Variants in PLXNA1 observed in about 807,000 individuals in gnomAD.
The protein encoded by PLXNA1 is plexin A1, also known as plexin-A1.
Under a neutral mutation model 191.7 loss-of-function variants are expected in PLXNA1, and 77 were observed. The ratio of observed to expected loss-of-function variants is 0.40; its 90% confidence interval spans 0.33 to 0.49. PLXNA1 has a LOEUF of 0.49. PLXNA1 is among the 20% of genes least tolerant of loss of function. The pLI is 0.63. For synonymous variants in PLXNA1, 1,137 were observed against 1,156.4 expected, an observed-to-expected ratio of 0.98 and a Z score of 0.34; for missense variants, 2,110 against 2,660.2, an observed-to-expected ratio of 0.79 and a Z score of 4.55.
chr3:126,994,697 C>A (rs1025082571), intron 3 of PLXNA1, among the ~76,000 whole-genome samples: 1 of 152,110 alleles, frequency 6.6e-6, no homozygotes, highest in Non-Finnish European at 1.5e-5. Context: ...CACTTCTCCT[C>A]GTCTCTCCTT....
At chr3:126,990,750 G>A (rs979721241) in intron 2 of PLXNA1, among the ~76,000 whole-genome samples, 10 of 152,242 alleles carry the variant, frequency 6.6e-5, no homozygotes, top group Non-Finnish European at 1.5e-5. Flanking sequence ...CAGGGCCCAT[G>A]TGTGCTTGGC....
Position 127,014,042 on chromosome 3 carries a change from T to A in PLXNA1, c.2336T>A (p.Val779Asp). 1 of 1,613,836 alleles carries A rather than the reference T, an allele frequency of 6.2e-7. No homozygotes were observed. The highest frequency in any genetic ancestry group is 1.1e-5 in the South Asian group (1 of 91,088). The change falls in exon 11 of 32, where the codon GTC becomes GAC. Residue 779 changes from valine to aspartate, a missense_variant. Val to Asp is a radical substitution (Grantham distance 152). Coordinates refer to ENST00000393409, the MANE Select transcript of PLXNA1 (RefSeq NM_032242.4). ...CAGTACTCCTACGAGGGGAACGATGTCAGCGACCTGCCAGTGAACCTGTCA... is the reference window on the plus strand; with the variant it reads ...CAGTACTCCTACGAGGGGAACGATGACAGCGACCTGCCAGTGAACCTGTCA... The part of the protein sequence containing the change: ...NSSYSYEGND[V>D]SDLPVNLSVV...
chr3:127,016,619 G>A lies in PLXNA1; in HGVS notation c.3117G>A (p.Glu1039=). 1 of 1,614,022 alleles carries A rather than the reference G, an allele frequency of 6.2e-7. No individual in the cohort carries two copies. The highest frequency in any genetic ancestry group is 1.1e-5 in the South Asian group (1 of 91,078). The change falls in exon 16 of 32, where the codon GAG becomes GAA. Residue 1039 remains glutamate, a synonymous_variant. Coordinates refer to ENST00000393409, the MANE Select transcript of PLXNA1 (RefSeq NM_032242.4). ...NINRAQLTNP[E]VKYNYTEDPT... is the part of the protein sequence containing the mutation. Reference sequence around the variant, plus strand: ...ACCGCGCCCAGCTCACCAACCCTGAGGTGAAGTACAACTACACCGAGGACC... The same window carrying A: ...ACCGCGCCCAGCTCACCAACCCTGAAGTGAAGTACAACTACACCGAGGACC...
chr3:127,030,558 C>T (rs1410354871), intron 29 of PLXNA1, 146 bp downstream of exon 29: 19 of 960,476 alleles, frequency 2.0e-5, no homozygotes, highest in Admixed American at 2.5e-5. Flanking sequence ...CGGGCCAGTC[C>T]TGTGCTAACT....
intron 15 of PLXNA1, 37 bp downstream of exon 15, chr3:127,015,357 C>T (rs777645788): frequency 1.9e-6 from 3 of 1,581,470 alleles, no homozygotes; most frequent in Admixed American, 1.7e-5. Flanking sequence ...CCTGGCTGCC[C>T]CTCCTCCTGT....
intron 3 of PLXNA1, among the ~76,000 whole-genome samples, chr3:126,993,390 C>T (rs930660087): frequency 6.6e-6 from 1 of 152,244 alleles, no homozygotes; most frequent in Non-Finnish European, 1.5e-5. Context: ...TGGGTGGAGC[C>T]TGTCCTCTGC....
chr3:127,003,300 A>C (rs763231744), intron 3 of PLXNA1, 30 bp from the exon 4 acceptor site: 94 of 1,563,572 alleles, frequency 6.0e-5, no homozygotes, highest in Non-Finnish European at 7.3e-5. Context: ...GTATCAGCAC[A>C]GCTCCAGTTA....
intron 9 of PLXNA1, 67 bp from the exon 10 acceptor site, chr3:127,011,891 C>T (rs1023494722): frequency 1.1e-5 from 16 of 1,414,034 alleles, no homozygotes; most frequent in African/African-American, 2.8e-5. Context: ...ACATCTGGAG[C>T]GTAGTGGGGT....
At chr3:127,004,477 C>T in intron 4 of PLXNA1, 134 bp from the exon 5 acceptor site, 1 of 693,098 alleles carries the variant, frequency 1.4e-6, no homozygotes, top group Non-Finnish European at 2.5e-6. Context: ...GTCACCAGAT[C>T]TGCCTTTGAA....
At chr3:126,983,385 G>C (rs2078940621) in intron 1 of PLXNA1, among the ~76,000 whole-genome samples, 98 bp downstream of exon 1, 1 of 145,810 alleles carries the variant, frequency 6.9e-6, no homozygotes, top group Admixed American at 6.8e-5. Context: ...TGGGCGCGGG[G>C]CGGCCTCCGG....
chr3:127,004,564 G>A, intron 4 of PLXNA1, 47 bp from the exon 5 acceptor site: 1 of 1,371,246 alleles, frequency 7.3e-7, no homozygotes, highest in South Asian at 1.2e-5. Context: ...GATGGTCAAG[G>A]ACCCCTGGGG....
At chr3:127,028,814 G>A (rs781004707) in intron 25 of PLXNA1, 179 bp from the exon 26 acceptor site, 1 of 599,418 alleles carries the variant, frequency 1.7e-6, no homozygotes, top group Admixed American at 3.0e-5. Flanking sequence ...GATTGGGAGG[G>A]CTGTGGCACA....
chr3:127,029,336 GGCACA>G (rs1419501511), intron 26 of PLXNA1, 99 bp from the exon 27 acceptor site: 2 of 1,101,936 alleles, frequency 1.8e-6, no homozygotes, highest in African/African-American at 3.1e-5. Flanking sequence ...GCTGCCTCCA[GGCACA>G]GCACTAGGGT....
At position 126,988,562 on chromosome 3, in the gene PLXNA1, C is replaced by A; in HGVS notation, c.-32C>A. On this transcript the variant is annotated 5_prime_UTR_variant, in exon 2 of 32. Coordinates refer to ENST00000393409, the MANE Select transcript of PLXNA1 (RefSeq NM_032242.4). ...ACCATGATGCTCACCCCAGCAGGAC[C>A]AGAGCACCGAGGCCCAAGGCCCCAG... 6.9e-7 allele frequency: 1 copy of A among 1,452,172 alleles called. No homozygotes were observed. Among genetic ancestry groups the A allele is most frequent in the Non-Finnish European group, 9.1e-7 (1 of 1,104,088 alleles). 90.0% of individuals were successfully genotyped at this position (1,452,172 alleles called of 1,614,324 possible). A position where few individuals can be genotyped will look rare whatever the true frequency, so the allele number is the denominator to read the frequency against.
intron 15 of PLXNA1, among the ~76,000 whole-genome samples, chr3:127,016,069 G>T (rs907485256): frequency 1.3e-5 from 2 of 152,130 alleles, no homozygotes; most frequent in African/African-American, 2.4e-5. Context: ...AGGGAAGGTC[G>T]CGCCAGGGCT....
Position 127,036,451 on chromosome 3 carries a change from C to G in PLXNA1, c.*2434C>G, listed in dbSNP as rs1015570343. The G allele has an allele frequency of 6.6e-6, 1 of 152,450 alleles. No individual in the cohort carries two copies. Among genetic ancestry groups the G allele is most frequent in the Admixed American group, 6.5e-5 (1 of 15,282 alleles). 9.4% of individuals were successfully genotyped at this position (152,450 alleles called of 1,614,324 possible). ...GGCGTGGCCACCACAGAGCACATGG[C>G]TGTGTCTAGGCGCAAGCACTTTAGC... On this transcript the variant is annotated 3_prime_UTR_variant, in exon 32 of 32. Transcript: ENST00000393409.
chr3:126,999,141 G>T (rs1232055718), intron 3 of PLXNA1, among the ~76,000 whole-genome samples: 1 of 152,152 alleles, frequency 6.6e-6, no homozygotes, highest in Non-Finnish European at 1.5e-5. Flanking sequence ...GGGAAGGGGA[G>T]GGGCAGGTGG....
At chr3:127,012,694 C>T (rs1401600384) in intron 10 of PLXNA1, among the ~76,000 whole-genome samples, 1 of 152,260 alleles carries the variant, frequency 6.6e-6, no homozygotes, top group Non-Finnish European at 1.5e-5. Context: ...CATGCGTAGA[C>T]CTTCAGATCT....
Position 127,007,919 on chromosome 3 carries a change from G to A in PLXNA1, c.2112+6G>A, listed in dbSNP as rs572765772. On this transcript the variant is annotated splice_donor_region_variant and intron_variant, in intron 9 of 31. Coordinates refer to ENST00000393409, the MANE Select transcript of PLXNA1 (RefSeq NM_032242.4). ...GCCGTGTCAACGTGTCTGAGGTAAG[G>A]CCGGGCAAGGGTGAGGGTCAGGTTT... 2.0e-4 allele frequency: 313 copies of A among 1,598,264 alleles called. No individual in the cohort carries two copies. Among genetic ancestry groups the A allele is most frequent in the Admixed American group, 4.4e-4 (26 of 59,608 alleles).
Sources: gnomAD v4.1 joint callset for allele counts (sites outside exome capture counted in the v4.1 genomes callset) on GRCh38, gnomAD v4.1.1 for gene constraint, MANE v1.5 for transcripts, NCBI Gene and HGNC (gene_info 2026-07-23, HGNC 2026-07-21) for gene names.